Variants in PCLO observed in about 807,000 individuals in gnomAD.
The protein encoded by PCLO is piccolo presynaptic cytomatrix protein, also known as protein piccolo.
A neutral mutation model predicts 427.5 loss-of-function variants in PCLO; 82 were observed. That is an observed-to-expected ratio of 0.19 (90% CI 0.16 to 0.23). The LOEUF is 0.23. Among genes scored for constraint, PCLO ranks in the 10% least tolerant of loss-of-function variants. The pLI is 1.00. For missense variants in PCLO, 6,239 were observed against 6,115.9 expected (o/e 1.02, Z -0.67); for synonymous variants, 2,357 against 2,155.4 (o/e 1.09, Z -2.59).
chr7:82,769,014 C>T (rs563222040), intron 22 of PCLO, among the ~76,000 whole-genome samples: 48 of 152,190 alleles, frequency 3.2e-4, no homozygotes, highest in African/African-American at 1.1e-3. Flanking sequence ...CTTGCCAAGT[C>T]GTTAAATGGC....
intron 3 of PCLO, among the ~76,000 whole-genome samples, chr7:83,117,205 C>T (rs1584045418): frequency 6.6e-6 from 1 of 152,232 alleles, no homozygotes; most frequent in Middle Eastern, 3.4e-3. Flanking sequence ...TAATTTTCTT[C>T]ATCTTTAATG....
chr7:83,129,168 TA>T (rs1775496760), intron 3 of PCLO, among the ~76,000 whole-genome samples: 1 of 152,172 alleles, frequency 6.6e-6, no homozygotes, highest in Non-Finnish European at 1.5e-5. Flanking sequence ...ACCTCTCAGA[TA>T]CTCATTCTCC....
At position 83,135,766 on chromosome 7, in the gene PCLO, A is replaced by G. The variant is rs1791711480; in HGVS notation, c.1894-110T>C. 4 of 608,218 alleles carry G rather than the reference A, an allele frequency of 6.6e-6. No homozygotes were observed. In the South Asian group the frequency reaches 9.8e-5, roughly 15 times the overall value. 37.7% of individuals were successfully genotyped at this position (608,218 alleles called of 1,614,324 possible). On this transcript the variant is annotated intron_variant, in intron 2 of 24. Transcript: ENST00000333891. The stretch of plus-strand genomic sequence containing the variant: ...AACTATGTCTCTCATCATTCAAAGC[A>G]GAAAATATAGAGAAAATTATTTTAA...
intron 22 of PCLO, among the ~76,000 whole-genome samples, chr7:82,800,758 T>C (rs1242544642): frequency 2.6e-5 from 4 of 151,782 alleles, no homozygotes; most frequent in Non-Finnish European, 4.4e-5. Flanking sequence ...ACCACGACTG[T>C]CTAATTTTTG....
intron 20 of PCLO, among the ~76,000 whole-genome samples, chr7:82,815,512 A>T (rs190925223): frequency 3.5e-4 from 53 of 152,268 alleles, no homozygotes; most frequent in African/African-American, 1.1e-3. Context: ...TTTTATAAAA[A>T]GAATCAGATA....
rs145538674 is a variant in PCLO, at chr7:82,779,086, T to C, written c.15008-17593A>G. Among the ~76,000 whole-genome samples, 63 of 152,268 alleles carry C rather than the reference T, an allele frequency of 4.1e-4. 1 individual carries two copies. Among genetic ancestry groups the C allele is most frequent in the African/African-American group, 1.5e-3 (61 of 41,580 alleles). On this transcript the variant is annotated intron_variant, in intron 22 of 24. Coordinates refer to ENST00000333891, the MANE Select transcript of PCLO (RefSeq NM_033026.6). ...ATCTTTATGACATACTGTATTCACGTCTTCTTTTGTGAACATTAACAATAG... is the reference window on the plus strand; with the variant it reads ...ATCTTTATGACATACTGTATTCACGCCTTCTTTTGTGAACATTAACAATAG...
chr7:83,150,960 G>A (rs189818208), intron 2 of PCLO, among the ~76,000 whole-genome samples: 2 of 152,198 alleles, frequency 1.3e-5, no homozygotes, highest in South Asian at 2.1e-4. Context: ...TCATGGATAC[G>A]TATGAAAGTT....
chr7:83,099,143 C>T lies in PCLO; in HGVS notation c.3300+35107G>A, dbSNP rs531919542. 4.0e-5 allele frequency among the ~76,000 whole-genome samples: 6 copies of T among 150,668 alleles called. No individual in the cohort carries two copies. In the South Asian group the frequency reaches 1.3e-3, roughly 32 times the overall value. On this transcript the variant is annotated intron_variant, in intron 3 of 24. Transcript: ENST00000333891. ...TATCAGGCAAAGGAATTTCAAATCTCTTCTGTAGACAAAGGAAAGTCATTG... is the reference window on the plus strand; with the variant it reads ...TATCAGGCAAAGGAATTTCAAATCTTTTCTGTAGACAAAGGAAAGTCATTG...
At chr7:83,038,732 C>T (rs987091037) in intron 3 of PCLO, among the ~76,000 whole-genome samples, 3 of 151,838 alleles carry the variant, frequency 2.0e-5, no homozygotes, top group Admixed American at 1.3e-4. Context: ...TATGTCTCTT[C>T]GGTATCTATG....
chr7:82,806,116 T>C (rs917237620), intron 20 of PCLO, among the ~76,000 whole-genome samples: 1 of 152,222 alleles, frequency 6.6e-6, no homozygotes, highest in African/African-American at 2.4e-5. Context: ...GCTACTATTA[T>C]TATTTTTGTG....
chr7:82,882,012 T>C (rs1408846766), intron 9 of PCLO, among the ~76,000 whole-genome samples: 3 of 152,116 alleles, frequency 2.0e-5, no homozygotes, highest in Non-Finnish European at 4.4e-5. Flanking sequence ...AATAGAACGT[T>C]AGAAAATAAA....
intron 10 of PCLO, among the ~76,000 whole-genome samples, chr7:82,851,859 A>C (rs1792666961): frequency 6.6e-6 from 1 of 152,170 alleles, no homozygotes; most frequent in Non-Finnish European, 1.5e-5. Context: ...CAATTGTCCA[A>C]ATCAATTATA....
At chr7:83,019,424 C>G (rs1028911497) in intron 3 of PCLO, among the ~76,000 whole-genome samples, 10 of 150,834 alleles carry the variant, frequency 6.6e-5, no homozygotes, top group African/African-American at 2.4e-4. Context: ...TGTGGTCTCC[C>G]AATCATAAGT....
At chr7:82,856,106 C>T (rs996883694) in intron 10 of PCLO, among the ~76,000 whole-genome samples, 4 of 152,004 alleles carry the variant, frequency 2.6e-5, no homozygotes, top group Non-Finnish European at 5.9e-5. Context: ...TGTACAGAGG[C>T]CCAAACTCCA....
At position 82,915,891 on chromosome 7, in the gene PCLO, T is replaced by C. The variant is rs752157373; in HGVS notation, c.12095A>G (p.Asp4032Gly). Residue 4032 changes from aspartate (D) to glycine (G), a missense_variant, in exon 7 of 25, where the codon GAT (aspartate) becomes GGT (glycine). By Grantham distance (94) the Asp-to-Gly change is moderately conservative. Coordinates refer to ENST00000333891, the MANE Select transcript of PCLO (RefSeq NM_033026.6). Reference sequence around the variant, plus strand: ...GTGATCAATATCTGCATAGAAAGAATCTGCAGATATGCTTGATATTGGACT... The same window carrying C: ...GTGATCAATATCTGCATAGAAAGAACCTGCAGATATGCTTGATATTGGACT... The part of the protein sequence containing the change: ...ASSPISSISA[D>G]SFYADIDHHT... The C allele has an allele frequency of 6.2e-7, 1 of 1,613,552 alleles. No individual in the cohort carries two copies. Among genetic ancestry groups the C allele is most frequent in the Non-Finnish European group, 8.5e-7 (1 of 1,179,776 alleles).
chr7:82,775,330 G>T (rs1790727500), intron 22 of PCLO, among the ~76,000 whole-genome samples: 1 of 152,086 alleles, frequency 6.6e-6, no homozygotes, highest in Non-Finnish European at 1.5e-5. Flanking sequence ...TTCCAAAGTG[G>T]CTGTACCATT....
intron 3 of PCLO, among the ~76,000 whole-genome samples, chr7:83,020,455 G>C (rs1347280332): frequency 1.3e-5 from 2 of 152,020 alleles, no homozygotes; most frequent in African/African-American, 4.8e-5. Context: ...CTTATGAATG[G>C]GTTAGTGCCT....
intron 22 of PCLO, among the ~76,000 whole-genome samples, chr7:82,783,064 G>C (rs1032380521): frequency 3.3e-5 from 5 of 152,128 alleles, no homozygotes; most frequent in Non-Finnish European, 5.9e-5. Flanking sequence ...GGCCTCAAAG[G>C]AGCCAGCAAC....
chr7:82,953,030 G>A lies in PCLO; in HGVS notation c.7923C>T (p.Ile2641=), dbSNP rs751542995. Residue 2641 remains isoleucine (I), a synonymous_variant, in exon 5 of 25, where the codon ATC becomes ATT. Transcript: ENST00000333891. ...CAGAAAATGTCTGTAAAGCTCCAGA[G>A]ATGTAGAAGGTCTGTTCTGAAGAAA... ...IPISSEQTFY[I]SGALQTFSAT... The A allele has an allele frequency of 6.2e-7, 1 of 1,613,992 alleles. No individual in the cohort carries two copies. The highest frequency in any genetic ancestry group is 1.7e-5 in the Admixed American group (1 of 60,028).
Sources: allele counts gnomAD v4.1 joint callset (sites outside exome capture counted in the v4.1 genomes callset), GRCh38; gene constraint gnomAD v4.1.1; transcripts MANE v1.5; gene names NCBI Gene and HGNC (gene_info 2026-07-23, HGNC 2026-07-21).